The following NTRK3 variants were observed in gnomAD, a reference collection of about 807,000 sequenced individuals.
The protein encoded by NTRK3 is neurotrophic receptor tyrosine kinase 3.
NTRK3 carries 24 observed loss-of-function variants against 91.7 expected under a neutral mutation model. That is an observed-to-expected ratio of 0.26 (90% CI 0.19 to 0.37). The LOEUF (loss-of-function observed/expected upper bound fraction) is 0.37. NTRK3 is among the 10% of genes least tolerant of loss of function. The pLI, the probability that NTRK3 is intolerant of heterozygous loss-of-function variation, is 1.00. For synonymous variants in NTRK3, 483 were observed against 404.0 expected (o/e 1.20, Z -2.34); for missense variants, 880 against 1,068.9 (o/e 0.82, Z 2.46).
chr15:87,896,742 C>G (rs2066148415), intron 17 of NTRK3, among the ~76,000 whole-genome samples: 1 of 152,074 alleles, frequency 6.6e-6, no homozygotes, highest in Admixed American at 6.5e-5. Flanking sequence ...TGGCCTCGCC[C>G]CAGTTATGGA....
At chr15:87,868,206 CATAA>C (rs1434075625) in exon 19 of NTRK3, 19 of 230,244 alleles carry the variant, frequency 8.3e-5, no homozygotes, top group Admixed American at 5.1e-4. Flanking sequence ...AGTATCATAA[CATAA>C]ATAATTAAAA....
intron 5 of NTRK3, among the ~76,000 whole-genome samples, chr15:88,154,280 G>A (rs1456049358): frequency 3.3e-5 from 5 of 152,134 alleles, no homozygotes; most frequent in Admixed American, 2.6e-4. Flanking sequence ...CAAAGGAGCT[G>A]TTAGGGGGCT....
chr15:88,000,113 C>T (rs1024476822), intron 14 of NTRK3, among the ~76,000 whole-genome samples: 1 of 152,178 alleles, frequency 6.6e-6, no homozygotes, highest in Non-Finnish European at 1.5e-5. Context: ...CTGTTGCCCC[C>T]AGTGGGGTAA....
In NTRK3 at chr15:88,243,011, C is replaced by T. The variant is rs941120111; in HGVS notation, c.248+12895G>A. On this transcript the variant is annotated intron_variant, in intron 3 of 18. Transcript: ENST00000394480. The surrounding 1 kb of genome is among the most constrained non-coding windows in gnomAD (Gnocchi z 4.8). ...CCCCATAGGCCATAGGGCCCTCCCACGGAGGAGGAGGAGCTGCAGCTGCAG... is the reference window on the plus strand; with the variant it reads ...CCCCATAGGCCATAGGGCCCTCCCATGGAGGAGGAGGAGCTGCAGCTGCAG... Among the ~76,000 whole-genome samples the T allele has an allele frequency of 9.8e-5, 15 of 152,316 alleles. No homozygotes were observed. Among genetic ancestry groups the T allele is most frequent in the Admixed American group, 2.6e-4 (4 of 15,304 alleles).
chr15:87,905,639 T>C lies in NTRK3; in HGVS notation c.2133+23552A>G, dbSNP rs1488585865. 2.0e-5 allele frequency among the ~76,000 whole-genome samples: 3 copies of C among 152,056 alleles called. No individual in the cohort carries two copies. The East Asian group carries it at 5.8e-4, about 29-fold the overall frequency. Reference sequence around the variant, plus strand: ...CCATTCACAAAAGACAGACAGGAAATTTAGGATTATCTTCAAACTCAACTC... The same window carrying C: ...CCATTCACAAAAGACAGACAGGAAACTTAGGATTATCTTCAAACTCAACTC... On this transcript the variant is annotated intron_variant, in intron 17 of 18. Coordinates refer to ENST00000394480, the Ensembl canonical transcript of NTRK3.
At chr15:87,955,767 G>A (rs373548041) in intron 14 of NTRK3, among the ~76,000 whole-genome samples, 11 of 152,178 alleles carry the variant, frequency 7.2e-5, no homozygotes, top group Admixed American at 1.3e-4. Flanking sequence ...AAAGGAGATC[G>A]TTGTTGACGG....
At chr15:88,127,929 G>C (rs1359531612) in intron 11 of NTRK3, among the ~76,000 whole-genome samples, 1 of 152,156 alleles carries the variant, frequency 6.6e-6, no homozygotes, top group African/African-American at 2.4e-5. Context: ...CCCCAATTCA[G>C]AATTCTCTGA....
chr15:87,889,626 G>T (rs1376258020), intron 17 of NTRK3, among the ~76,000 whole-genome samples: 1 of 151,950 alleles, frequency 6.6e-6, no homozygotes, highest in Non-Finnish European at 1.5e-5. Context: ...GAGTTGAATA[G>T]TTACAGAAGA....
intron 10 of NTRK3, among the ~76,000 whole-genome samples, chr15:88,132,340 C>T (rs2041438136): frequency 6.6e-6 from 1 of 152,230 alleles, no homozygotes; most frequent in Admixed American, 6.5e-5. Flanking sequence ...GGCATAACTT[C>T]CTTTAAGTCT....
At chr15:88,111,221 A>C (rs2051314897) in intron 13 of NTRK3, among the ~76,000 whole-genome samples, 1 of 152,188 alleles carries the variant, frequency 6.6e-6, no homozygotes, top group African/African-American at 2.4e-5. Context: ...GAACCTGGAT[A>C]GGGTCCTTCC....
Position 87,957,398 on chromosome 15 carries a change from G to A in NTRK3, c.1586-16645C>T, listed in dbSNP as rs533941344. On this transcript the variant is annotated intron_variant, in intron 14 of 18. Coordinates refer to ENST00000394480, the Ensembl canonical transcript of NTRK3. ...CTACATCCCTGTGGGACATTGTGTG[G>A]CTTCATTAAGAGATTGGGCTGGACT... Among the ~76,000 whole-genome samples, 27 of 152,106 alleles carry A rather than the reference G, an allele frequency of 1.8e-4. No homozygotes were observed. In the South Asian group the frequency reaches 5.4e-3, roughly 31 times the overall value.
chr15:87,958,112 G>A (rs2071864881), intron 14 of NTRK3, among the ~76,000 whole-genome samples: 1 of 152,106 alleles, frequency 6.6e-6, no homozygotes, highest in African/African-American at 2.4e-5. Context: ...TACAGCAAAA[G>A]CCGCTCCACA....
chr15:88,160,130 C>T (rs549838239), intron 5 of NTRK3, among the ~76,000 whole-genome samples: 36 of 152,226 alleles, frequency 2.4e-4, no homozygotes, highest in African/African-American at 8.4e-4. Context: ...AGGACTCGGA[C>T]GAGAGCATCC....
At chr15:88,097,215 TAC>T (rs1309191435) in intron 13 of NTRK3, among the ~76,000 whole-genome samples, 1 of 152,230 alleles carries the variant, frequency 6.6e-6, no homozygotes, top group African/African-American at 2.4e-5. Flanking sequence ...AATTTAACGT[TAC>T]ATCCTTGGCT....
chr15:88,147,135 T>G (rs1338717910), intron 6 of NTRK3, among the ~76,000 whole-genome samples, 200 bp downstream of exon 6: 1 of 152,170 alleles, frequency 6.6e-6, no homozygotes, highest in Non-Finnish European at 1.5e-5. Context: ...AAATAGATTG[T>G]GCCCAGAAAG....
At chr15:88,132,845 T>C (rs1430781185) in intron 10 of NTRK3, among the ~76,000 whole-genome samples, 1 of 152,158 alleles carries the variant, frequency 6.6e-6, no homozygotes, top group African/African-American at 2.4e-5. Context: ...CAAGCAAATC[T>C]TCCCACAGGG....
At chr15:87,944,265 C>T (rs924938905) in intron 14 of NTRK3, among the ~76,000 whole-genome samples, 8 of 152,156 alleles carry the variant, frequency 5.3e-5, no homozygotes, top group African/African-American at 1.7e-4. Flanking sequence ...ACACATAAGG[C>T]AAATCACTTC....
intron 5 of NTRK3, among the ~76,000 whole-genome samples, chr15:88,182,820 G>A (rs1175592281): frequency 6.6e-6 from 1 of 152,128 alleles, no homozygotes; most frequent in Admixed American, 6.5e-5. Flanking sequence ...TCCCCACTAG[G>A]GAAAGGGGAG....
chr15:87,931,110 G>T, intron 16 of NTRK3: 1 of 418,842 alleles, frequency 2.4e-6, no homozygotes, highest in Non-Finnish European at 4.7e-6. Context: ...CTTTACTCTA[G>T]GCTCTCACTC....
Sources: gnomAD v4.1 joint callset for allele counts (sites outside exome capture counted in the v4.1 genomes callset) on GRCh38, gnomAD v4.1.1 for gene constraint, Gnocchi (gnomAD v3.1) non-coding constraint, MANE v1.5 for transcripts, NCBI Gene and HGNC (gene_info 2026-07-23, HGNC 2026-07-21) for gene names.